The following ATG2B variants were observed in gnomAD, a reference collection of about 807,000 sequenced individuals.
The protein encoded by ATG2B is autophagy related 2B.
Under a neutral mutation model 241.3 loss-of-function variants are expected in ATG2B, and 121 were observed. The observed-to-expected ratio is 0.50, with a 90% CI of 0.43 to 0.58. ATG2B has a LOEUF of 0.58. Among genes scored for constraint, ATG2B ranks in the 20% least tolerant of loss-of-function variants. The pLI is 0.00. For missense variants in ATG2B, 2,306 were observed against 2,491.6 expected, an observed-to-expected ratio of 0.93 and a Z score of 1.59; for synonymous variants, 858 against 876.6, an observed-to-expected ratio of 0.98 and a Z score of 0.37.
At chr14:96,353,778 G>A (rs1198956071) in intron 1 of ATG2B, among the ~76,000 whole-genome samples, 1 of 151,766 alleles carries the variant, frequency 6.6e-6, no homozygotes, top group Non-Finnish European at 1.5e-5. Context: ...TTTTATTGTA[G>A]AGAAATGGCA....
In ATG2B at chr14:96,317,242, T is replaced by C; in HGVS notation, c.3113A>G (p.Lys1038Arg). Residue 1038 changes from lysine (K) to arginine (R), a missense_variant, in exon 20 of 42, where the codon AAA (lysine) becomes AGA (arginine). Lys to Arg is a conservative substitution (Grantham distance 26, BLOSUM62 2). Around this residue, in one of 2 missense-constraint regions of ATG2B, gnomAD observed 1,927 missense variants for 2,011.2 expected, o/e 0.96. Transcript: ENST00000359933. ...TVDPNYRSRR[K>R]KKLDSQNKNS... is the part of the protein sequence containing the mutation. Reference sequence around the variant, plus strand: ...CTTGTTCTGAGAGTCTAATTTTTTTTTCCTGCGAGAACGATAGTTGGGATC... The same window carrying C: ...CTTGTTCTGAGAGTCTAATTTTTTTCTCCTGCGAGAACGATAGTTGGGATC... The C allele has an allele frequency of 6.2e-7, 1 of 1,613,986 alleles. No homozygotes were observed. Among genetic ancestry groups the C allele is most frequent in the Non-Finnish European group, 8.5e-7 (1 of 1,179,894 alleles).
chr14:96,344,971 G>A (rs1003427257), intron 3 of ATG2B, among the ~76,000 whole-genome samples: 7 of 151,504 alleles, frequency 4.6e-5, no homozygotes, highest in African/African-American at 1.5e-4. Context: ...AGATGCTTGG[G>A]ACAACGACTA....
intron 28 of ATG2B, among the ~76,000 whole-genome samples, chr14:96,310,470 T>G (rs1887120200): frequency 6.6e-6 from 1 of 152,154 alleles, no homozygotes; most frequent in Non-Finnish European, 1.5e-5. Context: ...CTAAACAAAC[T>G]GGACATTCTT....
chr14:96,325,866 C>A lies in ATG2B; in HGVS notation c.2220G>T (p.Arg740=). 1 of 1,613,910 alleles carries A rather than the reference C, an allele frequency of 6.2e-7. No homozygotes were observed. The highest frequency in any genetic ancestry group is 1.3e-5 in the African/African-American group (1 of 75,022). ...LDDSHSPANC[R]ISVQVATPAL... ...CTGGTGTGGCAACTTGTACTGATAT[C>A]CGACAATTTGCAGGACTATGTGAAT... Residue 740 remains arginine (R), a synonymous_variant, in exon 15 of 42, where the codon CGG becomes CGT. Coordinates refer to ENST00000359933, the MANE Select transcript of ATG2B (RefSeq NM_018036.7).
chr14:96,294,571 C>G (rs1886578234), intron 36 of ATG2B, among the ~76,000 whole-genome samples: 1 of 152,020 alleles, frequency 6.6e-6, no homozygotes, highest in Non-Finnish European at 1.5e-5. Context: ...GTAGAAAATC[C>G]CCACAAGGGA....
chr14:96,288,521 C>CT (rs1241107973), intron 41 of ATG2B, among the ~76,000 whole-genome samples: 1 of 152,078 alleles, frequency 6.6e-6, no homozygotes. Flanking sequence ...CCCAGTAAAT[C>CT]TTTTTTTCAA....
intron 25 of ATG2B, among the ~76,000 whole-genome samples, chr14:96,312,411 A>C (rs1887185791): frequency 6.6e-6 from 1 of 152,214 alleles, no homozygotes; most frequent in African/African-American, 2.4e-5. Flanking sequence ...CAGTTTTTAA[A>C]GAGATGCCCA....
rs139428223 is a variant in ATG2B at position 96,294,913 on chromosome 14, C to T, written c.5426+47G>A. The T allele has an allele frequency of 1.9e-6, 3 of 1,569,338 alleles. No homozygotes were observed. The African/African-American group carries it at 4.1e-5, about 21-fold the overall frequency. ...CACACATACATCACAGAACAATCTT[C>T]AAAAGTCTAAAATAACTTCATTTGT... On this transcript the variant is annotated intron_variant, in intron 36 of 41. Transcript: ENST00000359933.
At chr14:96,338,730 G>A (rs1887932084) in intron 6 of ATG2B, among the ~76,000 whole-genome samples, 1 of 152,024 alleles carries the variant, frequency 6.6e-6, no homozygotes, top group African/African-American at 2.4e-5. Flanking sequence ...ATTGGCTTAG[G>A]CAAAGAATTC....
chr14:96,305,607 G>C lies in ATG2B; in HGVS notation c.4715C>G (p.Ser1572Cys). 6.2e-7 allele frequency: 1 copy of C among 1,611,344 alleles called. No individual in the cohort carries two copies. The highest frequency in any genetic ancestry group is 8.5e-7 in the Non-Finnish European group (1 of 1,177,748). The change falls in exon 31 of 42, where the codon TCT (serine) becomes TGT (cysteine). Residue 1572 changes from serine (S) to cysteine (C), a missense_variant. Around this residue, in one of 2 missense-constraint regions of ATG2B, gnomAD observed 1,927 missense variants for 2,011.2 expected, o/e 0.96. Coordinates refer to ENST00000359933, the MANE Select transcript of ATG2B (RefSeq NM_018036.7). ...AACTTACATATAACTTTTAGCCGGA[G>C]AAGTGGGAGGGACTATTCCAAAATC... is the stretch of plus-strand genomic sequence containing the variant. The part of the protein sequence containing the change: ...GKDFGIVPPT[S>C]PAKSYISPHS...
At chr14:96,351,196 C>T (rs1345820446) in intron 1 of ATG2B, among the ~76,000 whole-genome samples, 2 of 152,230 alleles carry the variant, frequency 1.3e-5, no homozygotes, top group South Asian at 2.1e-4. Context: ...AAATGTGTGC[C>T]GAGCCCTGCT....
intron 17 of ATG2B, 39 bp downstream of exon 17, chr14:96,322,501 T>C (rs983035765): frequency 1.3e-6 from 2 of 1,562,224 alleles, no homozygotes; most frequent in African/African-American, 1.4e-5. Context: ...TGACAGAGAA[T>C]AATAGTATTA....
intron 17 of ATG2B, 52 bp from the exon 18 acceptor site, chr14:96,322,306 T>C (rs1887480395): frequency 3.9e-6 from 6 of 1,554,352 alleles, no homozygotes; most frequent in African/African-American, 2.8e-5. Context: ...TTTAAAATAG[T>C]AGTAGCATCT....
Position 96,317,846 on chromosome 14 carries a change from A to G in ATG2B, c.2889T>C (p.Asn963=). Residue 963 remains asparagine (N), a synonymous_variant, in exon 19 of 42, where the codon AAT becomes AAC. Coordinates refer to ENST00000359933, the MANE Select transcript of ATG2B (RefSeq NM_018036.7). ...CTGTTGGTTCCCACAGTAGCAAGTC[A>G]TTAAAGATCCTATAAAGACAAAAGT... The part of the protein sequence containing the change: ...FYEKLYNRIF[N]DLLLWEPTAP... 2 of 1,603,852 alleles carry G rather than the reference A, an allele frequency of 1.2e-6. No homozygotes were observed. The highest frequency in any genetic ancestry group is 8.5e-7 in the Non-Finnish European group (1 of 1,174,536).
chr14:96,297,526 T>C (rs889794046), intron 34 of ATG2B, among the ~76,000 whole-genome samples: 1 of 151,924 alleles, frequency 6.6e-6, no homozygotes, highest in Non-Finnish European at 1.5e-5. Flanking sequence ...GCCTCCTGAG[T>C]AGCTGGGATT....
At chr14:96,323,179 T>C (rs1221260214) in intron 16 of ATG2B, among the ~76,000 whole-genome samples, 3 of 152,182 alleles carry the variant, frequency 2.0e-5, no homozygotes. Flanking sequence ...TAGGAAACAG[T>C]TTCAAAACTC....
At position 96,279,539 on chromosome 14, in the gene ATG2B, A is replaced by T. The variant is rs1031269995; in HGVS notation, c.*6216T>A. 6.6e-6 allele frequency: 1 copy of T among 152,292 alleles called. No individual in the cohort carries two copies. Among genetic ancestry groups the T allele is most frequent in the Non-Finnish European group, 1.5e-5 (1 of 68,084 alleles). 9.4% of individuals were successfully genotyped at this position (152,292 alleles called of 1,614,324 possible). ...AACAGGGAAACAGACGTGGATCTAC[A>T]GTATGCGGGGAGTGCCGCAAAGTTT... On this transcript the variant is annotated 3_prime_UTR_variant, in exon 42 of 42. Coordinates refer to ENST00000359933, the MANE Select transcript of ATG2B (RefSeq NM_018036.7).
intron 1 of ATG2B, among the ~76,000 whole-genome samples, chr14:96,352,238 G>A (rs540965770): frequency 6.6e-6 from 1 of 152,230 alleles, no homozygotes; most frequent in African/African-American, 2.4e-5. Context: ...TAAACCTCTT[G>A]CTCTGCCAGT....
At chr14:96,311,836 A>T (rs1329084476) in intron 26 of ATG2B, among the ~76,000 whole-genome samples, 4 of 152,218 alleles carry the variant, frequency 2.6e-5, no homozygotes, top group African/African-American at 9.6e-5. Flanking sequence ...TTTGTAGTAT[A>T]TATAGTAATT....
Sources: gnomAD v4.1 joint callset for allele counts (sites outside exome capture counted in the v4.1 genomes callset) on GRCh38, gnomAD v4.1.1 for gene constraint, gnomAD v4.1.1 regional missense constraint, MANE v1.5 for transcripts, NCBI Gene and HGNC (gene_info 2026-07-23, HGNC 2026-07-21) for gene names.